IL1R2: variants seen among roughly 807,000 people sequenced by gnomAD.
IL1R2 encodes interleukin 1 receptor type 2, also known as interleukin-1 receptor type 2.
In IL1R2, 46 loss-of-function variants were observed where a neutral mutation model predicts 39.5. The observed-to-expected ratio is 1.16, with a 90% CI of 0.92 to 1.49. IL1R2 has a LOEUF of 1.49. Ranked by LOEUF, IL1R2 falls within the 40% of genes most tolerant of loss-of-function variation. The pLI is 0.00. For missense variants in IL1R2, 537 were observed against 502.0 expected (o/e 1.07, Z -0.67); for synonymous variants, 207 against 189.6 (o/e 1.09, Z -0.75).
At position 102,028,197 on chromosome 2, in the gene IL1R2, C is replaced by T. The variant is rs1011944714; in HGVS notation, c.1031-29C>T. 1.9e-6 allele frequency: 3 copies of T among 1,582,448 alleles called. No individual in the cohort carries two copies. In the African/African-American group the frequency reaches 4.0e-5, roughly 21 times the overall value. ...TCTTGTACAGTGAGAGACTGTTCAG[C>T]TCCTGATGTGACTCTGTTCTTCCCA... On this transcript the variant is annotated intron_variant, in intron 8 of 8. Transcript: ENST00000332549.
chr2:102,008,550 G>C lies in IL1R2; in HGVS notation c.-26G>C. The C allele has an allele frequency of 1.9e-6, 3 of 1,607,146 alleles. No individual in the cohort carries two copies. The highest frequency in any genetic ancestry group is 2.6e-6 in the Non-Finnish European group (3 of 1,173,902). On this transcript the variant is annotated 5_prime_UTR_variant, in exon 2 of 9. Transcript: ENST00000332549. Reference sequence around the variant, plus strand: ...GCTGGGTCTCAGTCCTCCACTTCCCGTGTCCTCTGGAAGTTGTCAGGAGCA... The same window carrying C: ...GCTGGGTCTCAGTCCTCCACTTCCCCTGTCCTCTGGAAGTTGTCAGGAGCA...
rs112122505 is a variant in IL1R2, at chr2:101,996,910, A to T, written c.-62+4899A>T. ...TCTAAAGGCCCTTTCCCACTAGGGCAGGGGAATTAAGCCTGCTGCTACATG... is the reference window on the plus strand; with the variant it reads ...TCTAAAGGCCCTTTCCCACTAGGGCTGGGGAATTAAGCCTGCTGCTACATG... On this transcript the variant is annotated intron_variant, in intron 1 of 8. Coordinates refer to ENST00000332549, the MANE Select transcript of IL1R2 (RefSeq NM_004633.4). 6.1e-5 allele frequency among the ~76,000 whole-genome samples: 4 copies of T among 65,698 alleles called. No individual in the cohort carries two copies. The East Asian group carries it at 2.5e-3, about 40-fold the overall frequency. 43.1% of individuals were successfully genotyped at this position (65,698 alleles called of 152,430 possible).
At position 102,024,623 on chromosome 2, in the gene IL1R2, TAGAG is replaced by T; in HGVS notation, c.845_848del (p.Glu282AlafsTer8). On this transcript the variant is annotated frameshift_variant, in exon 7 of 9. Coordinates refer to ENST00000332549, the MANE Select transcript of IL1R2 (RefSeq NM_004633.4). LOFTEE classifies it high-confidence loss of function. ...TGGTGGACGGCCAATGACACCCACATAGAGAGCGCCTACCCGGGAGGCCGCGTGA... is the reference window on the plus strand; with the variant it reads ...TGGTGGACGGCCAATGACACCCACATAGCGCCTACCCGGGAGGCCGCGTGA... 6.2e-7 allele frequency: 1 copy of T among 1,613,994 alleles called. No individual in the cohort carries two copies. The highest frequency in any genetic ancestry group is 8.5e-7 in the Non-Finnish European group (1 of 1,179,984).
chr2:102,021,018 C>A (rs1677348653), intron 5 of IL1R2, among the ~76,000 whole-genome samples: 1 of 152,180 alleles, frequency 6.6e-6, no homozygotes, highest in African/African-American at 2.4e-5. Context: ...GTCTAAGAAG[C>A]ACTGAGATCC....
chr2:102,002,624 A>C (rs1220129180), intron 1 of IL1R2, among the ~76,000 whole-genome samples: 2 of 139,118 alleles, frequency 1.4e-5, no homozygotes, highest in South Asian at 4.8e-4. Flanking sequence ...ATAAATGTCT[A>C]TGTCTGTGTC....
At chr2:102,006,172 C>T (rs371875486) in intron 1 of IL1R2, among the ~76,000 whole-genome samples, 14 of 152,290 alleles carry the variant, frequency 9.2e-5, no homozygotes, top group South Asian at 6.2e-4. Flanking sequence ...TCTAATGGTG[C>T]ACTAATGAGT....
intron 4 of IL1R2, among the ~76,000 whole-genome samples, chr2:102,018,522 T>C (rs2236927): frequency 0.12 from 17,753 of 152,256 alleles, 1,209 homozygotes; most frequent in East Asian, 0.28. Flanking sequence ...TGGTGCTCAA[T>C]AAATGTGCAT....
At chr2:102,019,551 C>A in intron 4 of IL1R2, 87 bp from the exon 5 acceptor site, 1 of 957,404 alleles carries the variant, frequency 1.0e-6, no homozygotes, top group South Asian at 1.7e-5. Context: ...TTGCAAATCC[C>A]ACATTGGTTG....
chr2:101,992,865 G>A (rs1417777277), intron 1 of IL1R2, among the ~76,000 whole-genome samples: 3 of 152,168 alleles, frequency 2.0e-5, no homozygotes, highest in African/African-American at 4.8e-5. Context: ...AACCTGATCC[G>A]GGTGACCTTC....
At chr2:101,993,014 G>A (rs1019859000) in intron 1 of IL1R2, among the ~76,000 whole-genome samples, 20 of 152,306 alleles carry the variant, frequency 1.3e-4, no homozygotes, top group African/African-American at 4.6e-4. Context: ...TAGGCCACAA[G>A]TAAAATCGCA....
At chr2:102,003,985 C>CTA (rs1460714911) in intron 1 of IL1R2, among the ~76,000 whole-genome samples, 104 of 150,676 alleles carry the variant, frequency 6.9e-4, no homozygotes, top group African/African-American at 2.4e-3. Context: ...TGGTCTCGGT[C>CTA]TGGGTCTATG....
At position 102,014,982 on chromosome 2, in the gene IL1R2, TAATAATAAAGCA is replaced by T. The variant is rs1676903459; in HGVS notation, c.333-886_333-875del. ...AATAATAATAATAATAATAATCATA[TAATAATAAAGCA>T]AACTTACCAAGTTAATTTCCCCATG... On this transcript the variant is annotated intron_variant, in intron 3 of 8. Transcript: ENST00000332549. Among the ~76,000 whole-genome samples the T allele has an allele frequency of 5.7e-5, 8 of 141,182 alleles. No homozygotes were observed. In the South Asian group the frequency reaches 1.8e-3, roughly 31 times the overall value. 92.6% of individuals were successfully genotyped at this position (141,182 alleles called of 152,430 possible). A position where few individuals can be genotyped will look rare whatever the true frequency, so the allele number is the denominator to read the frequency against.
intron 2 of IL1R2, among the ~76,000 whole-genome samples, 159 bp from the exon 3 acceptor site, chr2:102,009,403 C>T (rs1026286980): frequency 6.6e-6 from 1 of 152,060 alleles, no homozygotes; most frequent in African/African-American, 2.4e-5. Context: ...TTAATAGTAC[C>T]CCAGGGTGTA....
intron 4 of IL1R2, among the ~76,000 whole-genome samples, chr2:102,017,797 G>T (rs572266144): frequency 6.6e-6 from 1 of 152,242 alleles, no homozygotes; most frequent in African/African-American, 2.4e-5. Context: ...TGGCCTAGTT[G>T]TGATGGAGAC....
intron 4 of IL1R2, among the ~76,000 whole-genome samples, chr2:102,018,225 C>T (rs935810848): frequency 6.6e-6 from 1 of 152,196 alleles, no homozygotes; most frequent in Non-Finnish European, 1.5e-5. Flanking sequence ...TGCAAGCCCC[C>T]AAGCCCAGCC....
rs1677870217 is a variant in IL1R2 at position 102,028,459 on chromosome 2, T to C, written c.*67T>C. 1.5e-6 allele frequency: 2 copies of C among 1,366,916 alleles called. No homozygotes were observed. Among genetic ancestry groups the C allele is most frequent in the African/African-American group, 2.9e-5 (2 of 68,492 alleles). 84.7% of individuals were successfully genotyped at this position (1,366,916 alleles called of 1,614,324 possible). A position where few individuals can be genotyped will look rare whatever the true frequency, so the allele number is the denominator to read the frequency against. On this transcript the variant is annotated 3_prime_UTR_variant, in exon 9 of 9. Coordinates refer to ENST00000332549, the MANE Select transcript of IL1R2 (RefSeq NM_004633.4). ...CTTCTCTTATGGAAGTGGCTGTGTC[T>C]TTTTGAGGGACTCTGTTCTTTGCCT... is the stretch of plus-strand genomic sequence containing the variant.
At chr2:102,007,095 G>A (rs1235108402) in intron 1 of IL1R2, among the ~76,000 whole-genome samples, 2 of 152,144 alleles carry the variant, frequency 1.3e-5, no homozygotes, top group Non-Finnish European at 2.9e-5. Context: ...AACGACCGTT[G>A]TTTCACACCA....
In IL1R2 at chr2:102,009,843, G is replaced by A. The variant is rs3218855; in HGVS notation, c.332+17G>A. On this transcript the variant is annotated intron_variant, in intron 3 of 8. Coordinates refer to ENST00000332549, the MANE Select transcript of IL1R2 (RefSeq NM_004633.4). ...CACTACTAGGTAAGTCTCCCTGTGCGGGGCTGGGGAGGGGATCCTGGCAGG... is the reference window on the plus strand; with the variant it reads ...CACTACTAGGTAAGTCTCCCTGTGCAGGGCTGGGGAGGGGATCCTGGCAGG... The A allele has an allele frequency of 1.1e-3, 1,834 of 1,610,900 alleles. 18 individuals carry two copies. In the African/African-American group the frequency reaches 0.022, roughly 19 times the overall value.
chr2:102,028,194 C>T (rs959286834), intron 8 of IL1R2, 32 bp from the exon 9 acceptor site: 5 of 1,572,316 alleles, frequency 3.2e-6, no homozygotes, highest in Non-Finnish European at 4.3e-6. Context: ...AGAGACTGTT[C>T]AGCTCCTGAT....
Sources: gnomAD v4.1 joint callset for allele counts (sites outside exome capture counted in the v4.1 genomes callset) on GRCh38, gnomAD v4.1.1 for gene constraint, MANE v1.5 for transcripts, NCBI Gene and HGNC (gene_info 2026-07-23, HGNC 2026-07-21) for gene names.